The following USP29 variants were observed in gnomAD, a reference collection of about 807,000 sequenced individuals.
USP29 encodes ubiquitin specific peptidase 29.
For missense variants in USP29, 1,102 were observed against 1,069.0 expected (o/e 1.03, Z -0.43); for synonymous variants, 386 against 387.4 (o/e 1.00, Z 0.04).
chr19:57,130,524 C>A lies in USP29; in HGVS notation c.1849C>A (p.Gln617Lys). The change falls in exon 4 of 4, where the codon CAG becomes AAG. Residue 617 changes from glutamine (Q) to lysine (K), a missense_variant. Coordinates refer to ENST00000254181, the MANE Select transcript of USP29 (RefSeq NM_020903.3). ...QRDCGDASQEQHQRDLENGSA... is the reference protein window; with the variant it reads ...QRDCGDASQEKHQRDLENGSA... The stretch of plus-strand genomic sequence containing the variant: ...AGACTGTGGAGATGCAAGCCAAGAG[C>A]AGCATCAGAGAGACCTGGAAAATGG... The A allele has an allele frequency of 6.2e-7, 1 of 1,614,176 alleles. No homozygotes were observed. Among genetic ancestry groups the A allele is most frequent in the Non-Finnish European group, 8.5e-7 (1 of 1,180,032 alleles).
intron 3 of USP29, among the ~76,000 whole-genome samples, chr19:57,125,654 T>C (rs1195115550): frequency 6.6e-6 from 1 of 151,944 alleles, no homozygotes; most frequent in African/African-American, 2.4e-5. Flanking sequence ...AGCCTATGTA[T>C]GTCTTTGCAC....
At chr19:57,123,280 T>A (rs1239564122) in intron 2 of USP29, among the ~76,000 whole-genome samples, 1 of 152,236 alleles carries the variant, frequency 6.6e-6, no homozygotes, top group Non-Finnish European at 1.5e-5. Flanking sequence ...AGTGATGTAG[T>A]ACAACAAACA....
Position 57,131,547 on chromosome 19 carries a change from A to C in USP29, c.*103A>C. ...CTCAGAATGAAGGAACAAGTATCTC[A>C]GGATGAAATCTCAATGAAAAACACT... is the stretch of plus-strand genomic sequence containing the variant. On this transcript the variant is annotated 3_prime_UTR_variant, in exon 4 of 4. Coordinates refer to ENST00000254181, the MANE Select transcript of USP29 (RefSeq NM_020903.3). The C allele has an allele frequency of 4.1e-6, 6 of 1,477,022 alleles. No homozygotes were observed. Among genetic ancestry groups the C allele is most frequent in the Non-Finnish European group, 5.4e-6 (6 of 1,109,432 alleles). The allele number at this position is 1,477,022 out of a possible 1,614,324, so 91.5% of individuals were successfully genotyped here. A position where few individuals can be genotyped will look rare whatever the true frequency, so the allele number is the denominator to read the frequency against.
upstream of USP29, among the ~76,000 whole-genome samples, chr19:57,119,375 G>A (rs2086780703): frequency 1.3e-5 from 2 of 152,134 alleles, no homozygotes. Flanking sequence ...AGTCTCTTCC[G>A]CACCCTCTCT....
At chr19:57,126,934 G>C (rs540124828) in intron 3 of USP29, among the ~76,000 whole-genome samples, 1 of 152,210 alleles carries the variant, frequency 6.6e-6, no homozygotes, top group South Asian at 2.1e-4. Context: ...TCTTTGGATG[G>C]GGTTATTGTG....
At chr19:57,120,809 A>C (rs917700143) in intron 1 of USP29, among the ~76,000 whole-genome samples, 3 of 147,480 alleles carry the variant, frequency 2.0e-5, no homozygotes, top group Non-Finnish European at 4.5e-5. Context: ...AAAAAAAAAA[A>C]AAAACAGAAA....
At chr19:57,126,199 T>G (rs2086823477) in intron 3 of USP29, among the ~76,000 whole-genome samples, 1 of 152,164 alleles carries the variant, frequency 6.6e-6, no homozygotes, top group Non-Finnish European at 1.5e-5. Flanking sequence ...TTTTTTTCCT[T>G]TGTTTCAACC....
intron 3 of USP29, among the ~76,000 whole-genome samples, chr19:57,128,279 G>A (rs2086834094): frequency 6.6e-6 from 1 of 152,094 alleles, no homozygotes; most frequent in African/African-American, 2.4e-5. Flanking sequence ...TCCCTATTTT[G>A]CCATGCTGGT....
rs1325936474 is a variant in USP29, at chr19:57,131,022, C to T, written c.2347C>T (p.His783Tyr). The change falls in exon 4 of 4, where the codon CAC becomes TAC. Residue 783 changes from histidine to tyrosine, a missense_variant. By Grantham distance (83) the His-to-Tyr change is moderately conservative (BLOSUM62 2). Transcript: ENST00000254181. ...ELRLQKADLN[H>Y]LGALGSDNPG... ...AAGACTTCAAAAGGCTGACCTGAAT[C>T]ACCTTGGGGCACTGGGTTCTGACAA... is the stretch of plus-strand genomic sequence containing the variant. 6.2e-7 allele frequency: 1 copy of T among 1,614,050 alleles called. No homozygotes were observed. The highest frequency in any genetic ancestry group is 1.3e-5 in the African/African-American group (1 of 74,926).
chr19:57,130,853 A>T lies in USP29; in HGVS notation c.2178A>T (p.Gly726=). The T allele has an allele frequency of 6.2e-7, 1 of 1,614,214 alleles. No homozygotes were observed. The highest frequency in any genetic ancestry group is 8.5e-7 in the Non-Finnish European group (1 of 1,180,030). ...YDCKENRIPE[G]SQGMAEQLQQ... ...GTAAAGAAAACAGGATTCCAGAAGG[A>T]TCTCAAGGAATGGCTGAACAGCTCC... is the stretch of plus-strand genomic sequence containing the variant. The change falls in exon 4 of 4, where the codon GGA becomes GGT. Residue 726 remains glycine, a synonymous_variant. Coordinates refer to ENST00000254181, the MANE Select transcript of USP29 (RefSeq NM_020903.3).
rs145488629 is a variant in USP29 at position 57,128,755 on chromosome 19, T to C, written c.80T>C (p.Ile27Thr). ...ATGACTAAGCTGAAAGAAGCTCTCA[T>C]TGAAACAGTGCAAAGACAAAAGGAA... ...TGMTKLKEAL[I>T]ETVQRQKEIK... The change falls in exon 4 of 4, where the codon ATT becomes ACT. Residue 27 changes from isoleucine (I) to threonine (T), a missense_variant. Transcript: ENST00000254181. The C allele has an allele frequency of 1.4e-5, 22 of 1,613,394 alleles. No homozygotes were observed. Among genetic ancestry groups the C allele is most frequent in the African/African-American group, 4.0e-5 (3 of 74,992 alleles).
In USP29 at chr19:57,129,236, T is replaced by C. The variant is rs376682156; in HGVS notation, c.561T>C (p.Asp187=). 12 of 1,612,516 alleles carry C rather than the reference T, an allele frequency of 7.4e-6. No individual in the cohort carries two copies. The African/African-American group carries it at 1.2e-4, about 16-fold the overall frequency. ...VQTNEDILKE[D]NPVPNKKYKT... is the part of the protein sequence containing the mutation. The stretch of plus-strand genomic sequence containing the variant: ...CAAATGAGGACATTCTGAAGGAAGA[T>C]AACCCTGTACCAAACAAGAAATATA... Residue 187 remains aspartate (D), a synonymous_variant, in exon 4 of 4, where the codon GAT becomes GAC. Coordinates refer to ENST00000254181, the MANE Select transcript of USP29 (RefSeq NM_020903.3).
Position 57,131,287 on chromosome 19 carries a change from A to C in USP29, c.2612A>C (p.Glu871Ala). The C allele has an allele frequency of 6.2e-7, 1 of 1,614,210 alleles. No homozygotes were observed. The change falls in exon 4 of 4, where the codon GAG becomes GCG. Residue 871 changes from glutamate to alanine, a missense_variant. Coordinates refer to ENST00000254181, the MANE Select transcript of USP29 (RefSeq NM_020903.3). ...VSEISETKMQ[E>A]ARLHSGYIFF... ...GAAATCTCAGAGACCAAAATGCAGG[A>C]GGCGAGGCTTCACTCTGGGTATATC...
At chr19:57,125,733 T>C (rs1050826969) in intron 3 of USP29, among the ~76,000 whole-genome samples, 1 of 152,076 alleles carries the variant, frequency 6.6e-6, no homozygotes, top group African/African-American at 2.4e-5. Flanking sequence ...CCAGTCTGTA[T>C]CTTTTAATTG....
At chr19:57,127,314 C>G (rs1218644366) in intron 3 of USP29, among the ~76,000 whole-genome samples, 1 of 152,218 alleles carries the variant, frequency 6.6e-6, no homozygotes, top group African/African-American at 2.4e-5. Context: ...TCCCTCTTAT[C>G]AGGATCAGCT....
Position 57,130,145 on chromosome 19 carries a change from G to A in USP29, c.1470G>A (p.Lys490=), listed in dbSNP as rs769171367. The A allele has an allele frequency of 3.1e-6, 5 of 1,614,010 alleles. No individual in the cohort carries two copies. The highest frequency in any genetic ancestry group is 4.2e-6 in the Non-Finnish European group (5 of 1,180,024). The change falls in exon 4 of 4, where the codon AAG becomes AAA. Residue 490 remains lysine (K), a synonymous_variant. Transcript: ENST00000254181. The part of the protein sequence containing the change: ...EELEYNCQMC[K]QKSCVARHTF... ...TTGAATATAACTGTCAGATGTGTAA[G>A]CAGAAGAGTTGTGTTGCAAGGCATA...
chr19:57,130,345 T>C lies in USP29; in HGVS notation c.1670T>C (p.Val557Ala). The change falls in exon 4 of 4, where the codon GTT becomes GCT. Residue 557 changes from valine (V) to alanine (A), a missense_variant. Physicochemically the swap from Val to Ala is moderately conservative, Grantham distance 64. Coordinates refer to ENST00000254181, the MANE Select transcript of USP29 (RefSeq NM_020903.3). ...PPLPLSSSAP[V>A]GKCEVLEVSQ... Reference sequence around the variant, plus strand: ...CTTCCCTTGAGCAGTAGTGCACCTGTTGGGAAATGTGAAGTCCTGGAAGTC... The same window carrying C: ...CTTCCCTTGAGCAGTAGTGCACCTGCTGGGAAATGTGAAGTCCTGGAAGTC... 1 of 1,614,164 alleles carries C rather than the reference T, an allele frequency of 6.2e-7. No individual in the cohort carries two copies. The highest frequency in any genetic ancestry group is 1.6e-4 in the Middle Eastern group (1 of 6,062).
rs746230100 is a variant in USP29, at chr19:57,130,134, C to T, written c.1459C>T (p.Gln487Ter). 6.2e-7 allele frequency: 1 copy of T among 1,613,960 alleles called. No individual in the cohort carries two copies. The highest frequency in any genetic ancestry group is 8.5e-7 in the Non-Finnish European group (1 of 1,180,010). ...FKEEELEYNCQMCKQKSCVAR... is the reference protein window; with the variant it reads ...FKEEELEYNC ...AGAAGAAGAGCTTGAATATAACTGT[C>T]AGATGTGTAAGCAGAAGAGTTGTGT... Residue 487 changes from glutamine to a stop codon, truncating the protein, a stop_gained, in exon 4 of 4, where the codon CAG (glutamine) becomes TAG (stop). Transcript: ENST00000254181. LOFTEE classifies it low-confidence loss of function (END_TRUNC).
intron 2 of USP29, among the ~76,000 whole-genome samples, chr19:57,123,255 A>G (rs1255100571): frequency 6.6e-6 from 1 of 152,242 alleles, no homozygotes; most frequent in Admixed American, 6.5e-5. Flanking sequence ...GTATTAAGGC[A>G]TGTAAATCAT....
Sources: allele counts gnomAD v4.1 joint callset (sites outside exome capture counted in the v4.1 genomes callset), GRCh38; gene constraint gnomAD v4.1.1; transcripts MANE v1.5; gene names NCBI Gene and HGNC (gene_info 2026-07-23, HGNC 2026-07-21).